HYAL1: variants seen among roughly 807,000 people sequenced by gnomAD.
The protein encoded by HYAL1 is hyaluronidase-1.
HYAL1 carries 21 observed loss-of-function variants against 28.8 expected under a neutral mutation model. That is an observed-to-expected ratio of 0.73 (90% confidence interval 0.52 to 1.05). HYAL1 has a LOEUF of 1.05. Ranked by LOEUF, HYAL1 falls within the 50% of genes least tolerant of loss-of-function variation. The pLI is 0.00. For synonymous variants in HYAL1, 200 were observed against 230.1 expected, an observed-to-expected ratio of 0.87 and a Z score of 1.18; for missense variants, 491 against 579.2, an observed-to-expected ratio of 0.85 and a Z score of 1.56.
chr3:50,305,570 CTG>C (rs782418473), upstream of HYAL1, among the ~76,000 whole-genome samples: 27 of 145,504 alleles, frequency 1.9e-4, no homozygotes, highest in Non-Finnish European at 2.5e-4. Context: ...AAGTCTCACT[CTG>C]TCGCCCAGGC....
intron 2 of HYAL1, among the ~76,000 whole-genome samples, chr3:50,308,828 T>G (rs1314094382): frequency 1.3e-5 from 2 of 149,648 alleles, no homozygotes; most frequent in Non-Finnish European, 2.9e-5. Flanking sequence ...GCTCCTGGGT[T>G]CAAGCGATTC....
intron 1 of HYAL1, among the ~76,000 whole-genome samples, chr3:50,311,437 G>A (rs587671871): frequency 1.9e-4 from 26 of 135,314 alleles, no homozygotes; most frequent in South Asian, 7.0e-4. Context: ...CTGGCCAGGC[G>A]GGGGGCTGAC....
chr3:50,300,373 T>A lies in HYAL1; in HGVS notation c.*110A>T. The A allele has an allele frequency of 9.3e-7, 1 of 1,077,062 alleles. No homozygotes were observed. Among genetic ancestry groups the A allele is most frequent in the Non-Finnish European group, 1.4e-6 (1 of 699,398 alleles). The allele number at this position is 1,077,062 out of a possible 1,614,324, so 66.7% of individuals were successfully genotyped here. A position where few individuals can be genotyped will look rare whatever the true frequency, so the allele number is the denominator to read the frequency against. On this transcript the variant is annotated 3_prime_UTR_variant, in exon 4 of 4. Transcript: ENST00000395144. ...ATATGCCTGTGACAGTGGCTGAGTG[T>A]ACTCTTTACTGTGACCATGACTTGT...
At chr3:50,307,699 A>C (rs1702361947), upstream of HYAL1, among the ~76,000 whole-genome samples, 2 of 149,852 alleles carry the variant, frequency 1.3e-5, no homozygotes, top group Non-Finnish European at 1.5e-5. Context: ...AAAAAAAAAA[A>C]AAAAACCCAA....
intron 1 of HYAL1, among the ~76,000 whole-genome samples, chr3:50,311,189 G>A (rs1702440810): frequency 6.6e-6 from 1 of 150,604 alleles, no homozygotes; most frequent in African/African-American, 2.4e-5. Flanking sequence ...GGGCAGAGGC[G>A]CCCCTCACCT....
chr3:50,300,976 G>A lies in HYAL1; in HGVS notation c.990+12C>T. 3.1e-6 allele frequency: 4 copies of A among 1,310,116 alleles called. No homozygotes were observed. Among genetic ancestry groups the A allele is most frequent in the Non-Finnish European group, 4.2e-6 (4 of 948,998 alleles). 81.2% of individuals were successfully genotyped at this position (1,310,116 alleles called of 1,614,324 possible). On this transcript the variant is annotated intron_variant, in intron 3 of 3. Coordinates refer to ENST00000395144, the MANE Select transcript of HYAL1 (RefSeq NM_033159.4). ...TCCCCCACCCCCACCCTCATGCCAG[G>A]CCTAAGCTCACCTTGGTTCTTGTAT...
At position 50,302,713 on chromosome 3, in the gene HYAL1, A is replaced by G; in HGVS notation, c.244T>C (p.Tyr82His). The G allele has an allele frequency of 6.2e-7, 1 of 1,614,040 alleles. No individual in the cohort carries two copies. Among genetic ancestry groups the G allele is most frequent in the Non-Finnish European group, 8.5e-7 (1 of 1,180,024 alleles). ...TIFYSSQLGT[Y>H]PYYTPTGEPV... ...TCCCCAGTGGGCGTGTAGTAGGGGT[A>G]GGTGCCCAGCTGGGAGCTATAGAAA... The change falls in exon 2 of 4, where the codon TAC becomes CAC. Residue 82 changes from tyrosine (Y) to histidine (H), a missense_variant. Tyr to His is a moderately conservative substitution (Grantham distance 83). Coordinates refer to ENST00000395144, the MANE Select transcript of HYAL1 (RefSeq NM_033159.4). The surrounding 1 kb of genome is among the most constrained non-coding windows in gnomAD (Gnocchi z 5.0).
At chr3:50,309,282 G>A (rs1205597203) in intron 2 of HYAL1, among the ~76,000 whole-genome samples, 1 of 149,830 alleles carries the variant, frequency 6.7e-6, no homozygotes, top group Non-Finnish European at 1.5e-5. Context: ...TGGCCAACAT[G>A]GCAAAACCCC....
rs148307635 is a variant in HYAL1, at chr3:50,302,908, C to G, written c.49G>C (p.Asp17His). The change falls in exon 2 of 4, where the codon GAT (aspartate) becomes CAT (histidine). Residue 17 changes from aspartate (D) to histidine (H), a missense_variant. Coordinates refer to ENST00000395144, the MANE Select transcript of HYAL1 (RefSeq NM_033159.4). The surrounding 1 kb of genome is among the most constrained non-coding windows in gnomAD (Gnocchi z 5.0). ...PICALFLTLL[D>H]MAQGFRGPLL... ...GGGCCCCTAAAGCCTTGGGCCATAT[C>G]GAGTAAGGTCAGGAAGAGGGCGCAG... is the stretch of plus-strand genomic sequence containing the variant. The G allele has an allele frequency of 1.5e-4, 246 of 1,603,102 alleles. 2 individuals are homozygous for G. Among genetic ancestry groups the G allele is most frequent in the South Asian group, 1.1e-3 (95 of 90,204 alleles).
At chr3:50,301,789 A>G (rs1191096122) in intron 2 of HYAL1, among the ~76,000 whole-genome samples, 1 of 151,872 alleles carries the variant, frequency 6.6e-6, no homozygotes, top group Non-Finnish European at 1.5e-5. Context: ...TGACTCTACT[A>G]AAAAATACAA....
chr3:50,306,144 T>C (rs587693014), upstream of HYAL1, among the ~76,000 whole-genome samples: 18 of 150,786 alleles, frequency 1.2e-4, no homozygotes, highest in South Asian at 2.1e-3. Flanking sequence ...TTTGCTGAGG[T>C]CTGGGAGCAC....
chr3:50,306,772 G>A (rs1396586087), upstream of HYAL1, among the ~76,000 whole-genome samples: 2 of 150,736 alleles, frequency 1.3e-5, no homozygotes, highest in Admixed American at 6.6e-5. Context: ...TGTAATCCCA[G>A]CTACTCAGGA....
chr3:50,306,157 C>A (rs1290459504), upstream of HYAL1, among the ~76,000 whole-genome samples: 2 of 150,818 alleles, frequency 1.3e-5, no homozygotes. Flanking sequence ...GGGAGCACCC[C>A]CTCCAGAGAA....
chr3:50,309,936 A>T (rs1443189905), intron 1 of HYAL1, among the ~76,000 whole-genome samples: 1 of 151,506 alleles, frequency 6.6e-6, no homozygotes, highest in South Asian at 2.1e-4. Context: ...CTTACCTGAG[A>T]TTCCTCTTAT....
At chr3:50,301,807 G>C (rs2109306132) in intron 2 of HYAL1, among the ~76,000 whole-genome samples, 1 of 151,946 alleles carries the variant, frequency 6.6e-6, no homozygotes, top group East Asian at 1.9e-4. Context: ...CAAAAAATTA[G>C]CTGGGTGTGG....
At chr3:50,301,757 C>G (rs1351370869) in intron 2 of HYAL1, among the ~76,000 whole-genome samples, 1 of 152,054 alleles carries the variant, frequency 6.6e-6, no homozygotes, top group African/African-American at 2.4e-5. Flanking sequence ...TTGAGACCAT[C>G]CTGGCTAACA....
upstream of HYAL1, among the ~76,000 whole-genome samples, chr3:50,304,291 A>AG (rs1702284898): frequency 1.7e-5 from 1 of 60,126 alleles, no homozygotes; most frequent in African/African-American, 7.5e-5. Flanking sequence ...AAAAAAAAAA[A>AG]AAAAAATATA....
Position 50,302,412 on chromosome 3 carries a change from C to G in HYAL1, c.545G>C (p.Trp182Ser), listed in dbSNP as rs1346505806. ...CCCCAGCTGGAGGGTGCCTGCCATC[C>G]AGGCCCGTGCAGCTCCCTGGAACTG... ...QDQFQGAARA[W>S]MAGTLQLGRA... Residue 182 changes from tryptophan to serine, a missense_variant, in exon 2 of 4, where the codon TGG becomes TCG. Trp to Ser is a radical substitution (Grantham distance 177). Transcript: ENST00000395144. The surrounding 1 kb of genome is among the most constrained non-coding windows in gnomAD (Gnocchi z 5.0). 9.9e-6 allele frequency: 16 copies of G among 1,613,764 alleles called. No individual in the cohort carries two copies. The African/African-American group carries it at 2.1e-4, about 22-fold the overall frequency.
At chr3:50,301,638 T>A (rs1180985563) in intron 2 of HYAL1, among the ~76,000 whole-genome samples, 9 of 123,860 alleles carry the variant, frequency 7.3e-5, no homozygotes, top group African/African-American at 1.6e-4. Flanking sequence ...AAAAAAAGGA[T>A]GAATGAATGG....
Sources: allele counts gnomAD v4.1 joint callset (sites outside exome capture counted in the v4.1 genomes callset), GRCh38; gene constraint gnomAD v4.1.1; non-coding constraint Gnocchi (gnomAD v3.1); transcripts MANE v1.5; gene names NCBI Gene and HGNC (gene_info 2026-07-23, HGNC 2026-07-21).